Variants in LNPEP observed in about 807,000 individuals in gnomAD.
LNPEP encodes the protein leucyl-cystinyl aminopeptidase.
In LNPEP, 64 loss-of-function variants were observed where a neutral mutation model predicts 120.6. The observed-to-expected ratio is 0.53, with a 90% confidence interval of 0.43 to 0.65. The LOEUF (loss-of-function observed/expected upper bound fraction) is 0.65, where lower values mean the gene tolerates loss of function less well. Among genes scored for constraint, LNPEP ranks in the 30% least tolerant of loss-of-function variants. The pLI, the probability that LNPEP is intolerant of heterozygous loss-of-function variation, is 0.00. For synonymous variants in LNPEP, 435 were observed against 425.4 expected, an observed-to-expected ratio of 1.02 and a Z score of -0.28; for missense variants, 1,057 against 1,200.0, an observed-to-expected ratio of 0.88 and a Z score of 1.76.
chr5:96,972,889 G>T (rs767655304), intron 1 of LNPEP, among the ~76,000 whole-genome samples: 1 of 152,044 alleles, frequency 6.6e-6, no homozygotes, highest in Non-Finnish European at 1.5e-5. Context: ...ACAAAGTCAG[G>T]GTGAGGGGCA....
In LNPEP at chr5:97,031,707, A is replaced by C. The variant is rs1418907187; in HGVS notation, c.*3174A>C. The C allele has an allele frequency of 6.6e-6, 1 of 152,194 alleles. No homozygotes were observed. The highest frequency in any genetic ancestry group is 1.5e-5 in the Non-Finnish European group (1 of 68,064). The allele number at this position is 152,194 out of a possible 1,614,324, so 9.4% of individuals were successfully genotyped here. On this transcript the variant is annotated 3_prime_UTR_variant, in exon 18 of 18. Coordinates refer to ENST00000231368, the MANE Select transcript of LNPEP (RefSeq NM_005575.3). ...GGAGTTCTAAACCAGTTTGGCCGAC[A>C]TGGCAAAACCCCATCTCTACTAAAA...
intron 1 of LNPEP, among the ~76,000 whole-genome samples, chr5:96,950,216 A>C (rs1383852650): frequency 1.3e-5 from 2 of 152,188 alleles, no homozygotes; most frequent in Admixed American, 1.3e-4. Flanking sequence ...TCAACATTAA[A>C]GAGTGAACCA....
Position 97,006,069 on chromosome 5 carries a change from G to A in LNPEP, c.1786-4G>A. 1 of 1,205,636 alleles carries A rather than the reference G, an allele frequency of 8.3e-7. No homozygotes were observed. Among genetic ancestry groups the A allele is most frequent in the Non-Finnish European group, 1.1e-6 (1 of 903,212 alleles). The allele number at this position is 1,205,636 out of a possible 1,614,324, so 74.7% of individuals were successfully genotyped here. A position where few individuals can be genotyped will look rare whatever the true frequency, so the allele number is the denominator to read the frequency against. The stretch of plus-strand genomic sequence containing the variant: ...TTTTATATATATATATATATATTTT[G>A]TAGGTCACAAACCAAACACTAGATG... On this transcript the variant is annotated splice_polypyrimidine_tract_variant and splice_region_variant and intron_variant, in intron 9 of 17. Coordinates refer to ENST00000231368, the MANE Select transcript of LNPEP (RefSeq NM_005575.3).
chr5:97,010,600 T>C (rs572927002), intron 11 of LNPEP: 1 of 985,344 alleles, frequency 1.0e-6, no homozygotes, highest in Admixed American at 6.1e-5. Context: ...AACTTTAGTT[T>C]TTTTGTAAAA....
chr5:96,972,721 A>G (rs942065980), intron 1 of LNPEP, among the ~76,000 whole-genome samples: 3 of 152,016 alleles, frequency 2.0e-5, no homozygotes, highest in African/African-American at 7.2e-5. Context: ...TGTCTAGTTT[A>G]ATAGTTGTTT....
At position 97,033,126 on chromosome 5, in the gene LNPEP, T is replaced by G. The variant is rs1443021951; in HGVS notation, c.*4593T>G. ...TAATGTATATAAATAAACTTGCTAC[T>G]ACATTGTATTACTAATTTGGTTCAC... On this transcript the variant is annotated 3_prime_UTR_variant, in exon 18 of 18. Coordinates refer to ENST00000231368, the MANE Select transcript of LNPEP (RefSeq NM_005575.3). 1 of 152,150 alleles carries G rather than the reference T, an allele frequency of 6.6e-6. No homozygotes were observed. Among genetic ancestry groups the G allele is most frequent in the Admixed American group, 6.5e-5 (1 of 15,280 alleles). 9.4% of individuals were successfully genotyped at this position (152,150 alleles called of 1,614,324 possible).
Position 97,005,313 on chromosome 5 carries a change from C to T in LNPEP, c.1786-760C>T, listed in dbSNP as rs151196022. Reference sequence around the variant, plus strand: ...AATAATTTGAATCCTGAGTTTAACCCACCTGCTTTAAAGAGACTGTTGTTC... The same window carrying T: ...AATAATTTGAATCCTGAGTTTAACCTACCTGCTTTAAAGAGACTGTTGTTC... On this transcript the variant is annotated intron_variant, in intron 9 of 17. Coordinates refer to ENST00000231368, the MANE Select transcript of LNPEP (RefSeq NM_005575.3). Among the ~76,000 whole-genome samples, 8 of 152,110 alleles carry T rather than the reference C, an allele frequency of 5.3e-5. 1 individual carries two copies. The highest frequency in any genetic ancestry group is 1.4e-4 in the African/African-American group (6 of 41,516).
At chr5:97,015,388 C>T (rs1381639826) in intron 13 of LNPEP, among the ~76,000 whole-genome samples, 2 of 152,064 alleles carry the variant, frequency 1.3e-5, no homozygotes, top group Non-Finnish European at 2.9e-5. Context: ...TTTATTTCTA[C>T]ATGATGAATG....
chr5:96,982,978 G>A (rs528420466), intron 2 of LNPEP, among the ~76,000 whole-genome samples: 14 of 144,724 alleles, frequency 9.7e-5, no homozygotes, highest in Middle Eastern at 3.4e-3. Flanking sequence ...TATACAAGTC[G>A]TTTTTATTAT....
At chr5:96,990,543 ACTACCATTTAT>A (rs1790366404) in intron 4 of LNPEP, among the ~76,000 whole-genome samples, 1 of 152,192 alleles carries the variant, frequency 6.6e-6, no homozygotes, top group South Asian at 2.1e-4. Flanking sequence ...AATAACAATA[ACTACCATTTAT>A]TGAACACTTA....
intron 1 of LNPEP, among the ~76,000 whole-genome samples, chr5:96,950,381 G>C (rs1444770730): frequency 2.0e-5 from 3 of 152,170 alleles, no homozygotes; most frequent in Non-Finnish European, 4.4e-5. Context: ...CTCTTCATTA[G>C]AGAGCCACAA....
Position 97,024,577 on chromosome 5 carries a change from G to A in LNPEP, c.2618G>A (p.Gly873Asp). ...AAAGTTGGAGCAAAAACTGACAAAG[G>A]CTGGTCATTCCTTTTGGGCAAATAC... ...VFKVGAKTDK[G>D]WSFLLGKYIS... is the part of the protein sequence containing the mutation. Residue 873 changes from glycine to aspartate, a missense_variant, in exon 15 of 18, where the codon GGC (glycine) becomes GAC (aspartate). Coordinates refer to ENST00000231368, the MANE Select transcript of LNPEP (RefSeq NM_005575.3). The A allele has an allele frequency of 6.2e-7, 1 of 1,614,046 alleles. No homozygotes were observed. The highest frequency in any genetic ancestry group is 8.5e-7 in the Non-Finnish European group (1 of 1,179,944).
At chr5:97,024,246 G>A (rs889283716) in intron 14 of LNPEP, among the ~76,000 whole-genome samples, 2 of 152,136 alleles carry the variant, frequency 1.3e-5, no homozygotes, top group African/African-American at 2.4e-5. Flanking sequence ...GAGGACAGAG[G>A]CTCTCATTCC....
At chr5:97,004,127 G>A (rs114786578) in intron 9 of LNPEP, among the ~76,000 whole-genome samples, 1,747 of 152,286 alleles carry the variant, frequency 0.011, 37 homozygotes, top group African/African-American at 0.04. Context: ...ACATGAACCC[G>A]GGCTGCTTCA....
chr5:96,961,785 C>G, intron 1 of LNPEP, among the ~76,000 whole-genome samples: 1 of 152,080 alleles, frequency 6.6e-6, no homozygotes, highest in Admixed American at 6.5e-5. Context: ...GTAAATTATA[C>G]TGTATTATAT....
In LNPEP at chr5:97,028,646, T is replaced by C. The variant is rs1443654692; in HGVS notation, c.*113T>C. On this transcript the variant is annotated 3_prime_UTR_variant, in exon 18 of 18. Coordinates refer to ENST00000231368, the MANE Select transcript of LNPEP (RefSeq NM_005575.3). ...AGGATCGCTGCCAAGTTGTTTGCAC[T>C]CTTTGGAGTTCTAGTTAGCTCAGGG... 5 of 1,058,846 alleles carry C rather than the reference T, an allele frequency of 4.7e-6. No homozygotes were observed. The highest frequency in any genetic ancestry group is 7.0e-6 in the Non-Finnish European group (5 of 714,918). 65.6% of individuals were successfully genotyped at this position (1,058,846 alleles called of 1,614,324 possible).
intron 4 of LNPEP, among the ~76,000 whole-genome samples, chr5:96,989,324 A>T (rs1482271811): frequency 3.3e-4 from 7 of 21,516 alleles, no homozygotes; most frequent in African/African-American, 1.2e-3. Flanking sequence ...TATATATAAT[A>T]TATAATTATA....
intron 1 of LNPEP, among the ~76,000 whole-genome samples, chr5:96,959,987 G>T (rs1789561219): frequency 1.5e-5 from 2 of 132,412 alleles, no homozygotes; most frequent in African/African-American, 2.9e-5. Flanking sequence ...TGCCCAGGCT[G>T]GAGTGCAATG....
At position 96,979,379 on chromosome 5, in the gene LNPEP, C is replaced by G. The variant is rs763439329; in HGVS notation, c.261C>G (p.Gly87=). ...TGTCCTTCATGAATAGAAGCTCAGG[C>G]CTTCGGAACAGTGCAACTGGTTACA... is the stretch of plus-strand genomic sequence containing the variant. ...LGMSFMNRSS[G]LRNSATGYRQ... Residue 87 remains glycine, a synonymous_variant, in exon 2 of 18, where the codon GGC becomes GGG. Transcript: ENST00000231368. 1 of 1,614,042 alleles carries G rather than the reference C, an allele frequency of 6.2e-7. No individual in the cohort carries two copies. Among genetic ancestry groups the G allele is most frequent in the African/African-American group, 1.3e-5 (1 of 75,038 alleles).
Sources: allele counts gnomAD v4.1 joint callset (sites outside exome capture counted in the v4.1 genomes callset), GRCh38; gene constraint gnomAD v4.1.1; transcripts MANE v1.5; gene names NCBI Gene and HGNC (gene_info 2026-07-23, HGNC 2026-07-21).